VPS37A: variants seen among roughly 807,000 people sequenced by gnomAD.
The protein encoded by VPS37A is vacuolar protein sorting-associated protein 37A.
VPS37A carries 30 observed loss-of-function variants against 49.8 expected under a neutral mutation model. That is an observed-to-expected ratio of 0.60 (90% CI 0.45 to 0.82). The LOEUF (loss-of-function observed/expected upper bound fraction) is 0.82, where lower values mean the gene tolerates loss of function less well. VPS37A is among the 40% of genes least tolerant of loss of function. The pLI is 0.00. For missense variants in VPS37A, 593 were observed against 464.4 expected, an observed-to-expected ratio of 1.28 and a Z score of -2.55; for synonymous variants, 195 against 160.6, an observed-to-expected ratio of 1.21 and a Z score of -1.62.
the VPS37A span, among the ~76,000 whole-genome samples, chr8:17,317,638 G>A: frequency 6.6e-6 from 1 of 152,158 alleles, no homozygotes; most frequent in Non-Finnish European, 1.5e-5. Flanking sequence ...CAGTGCAGGG[G>A]AGGAAGGAGG....
chr8:17,319,821 T>C, the VPS37A span, among the ~76,000 whole-genome samples: 64 of 152,280 alleles, frequency 4.2e-4, no homozygotes, highest in South Asian at 2.1e-3. Context: ...TGGTTTTTTT[T>C]CATAATTCAG....
At chr8:17,299,683 A>T, downstream of VPS37A, 1 of 746,358 alleles carries the variant, frequency 1.3e-6, no homozygotes, top group Non-Finnish European at 2.1e-6. Flanking sequence ...TGAAATGACT[A>T]CGTCCTCTTC....
the VPS37A span, among the ~76,000 whole-genome samples, chr8:17,319,252 TG>T: frequency 6.6e-6 from 1 of 152,158 alleles, no homozygotes; most frequent in South Asian, 2.1e-4. Flanking sequence ...AAATATAAAA[TG>T]GGGATAAAAA....
In VPS37A at chr8:17,284,475, C is replaced by T; in HGVS notation, c.972C>T (p.Ser324=). ...KMQRQHELSE[S]CSASALQARL... ...TAGTGCCTGATTTTCTTTTTCAGAG[C>T]TGTAGTGCAAGTGCCCTTCAGGCAA... Residue 324 remains serine (S), a splice_region_variant and synonymous_variant, in exon 10 of 12, where the codon AGC becomes AGT. Coordinates refer to ENST00000324849, the MANE Select transcript of VPS37A (RefSeq NM_152415.3). The T allele has an allele frequency of 6.4e-7, 1 of 1,569,832 alleles. No homozygotes were observed. The highest frequency in any genetic ancestry group is 8.6e-7 in the Non-Finnish European group (1 of 1,166,516).
Position 17,279,814 on chromosome 8 carries a change from C to T in VPS37A, c.714-214C>T, listed in dbSNP as rs928523964. 4.8e-6 allele frequency: 3 copies of T among 626,334 alleles called. No homozygotes were observed. In the African/African-American group the frequency reaches 5.4e-5, roughly 11 times the overall value. 38.8% of individuals were successfully genotyped at this position (626,334 alleles called of 1,614,324 possible). ...TCCATTGGACCAAAATTTACTTTTA[C>T]AGATTCTGTCAAGAATATATTACAG... is the stretch of plus-strand genomic sequence containing the variant. On this transcript the variant is annotated intron_variant, in intron 6 of 11. Coordinates refer to ENST00000324849, the MANE Select transcript of VPS37A (RefSeq NM_152415.3).
chr8:17,282,002 T>C (rs1815102849), intron 9 of VPS37A, among the ~76,000 whole-genome samples: 2 of 152,048 alleles, frequency 1.3e-5, no homozygotes, highest in Non-Finnish European at 2.9e-5. Flanking sequence ...ACAGTTCTTA[T>C]CAAAATGCCA....
chr8:17,250,167 ACTT>A (rs1027220001), intron 1 of VPS37A, among the ~76,000 whole-genome samples: 2 of 152,106 alleles, frequency 1.3e-5, no homozygotes, highest in Non-Finnish European at 2.9e-5. Flanking sequence ...GGTTTCTATG[ACTT>A]CTTCAATGGA....
At chr8:17,304,715 A>G (rs906742371), downstream of VPS37A, among the ~76,000 whole-genome samples, 5 of 138,938 alleles carry the variant, frequency 3.6e-5, no homozygotes, top group Admixed American at 7.1e-5. Flanking sequence ...CTTCACCACC[A>G]TCTGTACTGG....
At chr8:17,251,756 G>A (rs1003197812) in intron 1 of VPS37A, among the ~76,000 whole-genome samples, 1 of 152,168 alleles carries the variant, frequency 6.6e-6, no homozygotes, top group Admixed American at 6.5e-5. Flanking sequence ...CTTTAAAATA[G>A]TAGTGCCATT....
intron 11 of VPS37A, among the ~76,000 whole-genome samples, chr8:17,289,974 G>A (rs942412471): frequency 1.3e-5 from 2 of 152,128 alleles, no homozygotes; most frequent in Non-Finnish European, 2.9e-5. Flanking sequence ...AATTGTGAAT[G>A]GGAGTTCACT....
the VPS37A span, chr8:17,331,330 CAA>C: frequency 1.3e-6 from 2 of 1,531,156 alleles, no homozygotes; most frequent in Non-Finnish European, 1.7e-6. Context: ...ATTGATGAAA[CAA>C]TGATGAAACA....
At chr8:17,287,895 CTGAGGGAGTGGATTATG>C (rs1272139801) in intron 11 of VPS37A, among the ~76,000 whole-genome samples, 2 of 151,972 alleles carry the variant, frequency 1.3e-5, no homozygotes, top group Non-Finnish European at 2.9e-5. Flanking sequence ...GTCGACTGGG[CTGAGGGAGTGGATTATG>C]AGAAGAGAGC....
In VPS37A at chr8:17,247,116, C is replaced by A; in HGVS notation, c.-129C>A. On this transcript the variant is annotated 5_prime_UTR_variant, in exon 1 of 12. Transcript: ENST00000324849. ...GCAGGCAGGACAGGCTTAGAGAAGA[C>A]GCGGTCCCCAGCGCTTGGGCCACGG... 1 of 1,250,508 alleles carries A rather than the reference C, an allele frequency of 8.0e-7. No individual in the cohort carries two copies. The highest frequency in any genetic ancestry group is 1.1e-6 in the Non-Finnish European group (1 of 899,194). The allele number at this position is 1,250,508 out of a possible 1,614,324, so 77.5% of individuals were successfully genotyped here.
chr8:17,323,160 A>T, the VPS37A span, among the ~76,000 whole-genome samples: 57 of 151,700 alleles, frequency 3.8e-4, no homozygotes, highest in African/African-American at 1.3e-3. Flanking sequence ...GTCGGACAGC[A>T]GGTCTCAAAC....
chr8:17,332,077 C>G, the VPS37A span, among the ~76,000 whole-genome samples: 195 of 152,276 alleles, frequency 1.3e-3, no homozygotes, highest in African/African-American at 4.3e-3. Context: ...GCATCGGTTT[C>G]TAGAATGTGT....
chr8:17,316,372 A>G, the VPS37A span, among the ~76,000 whole-genome samples: 1 of 151,868 alleles, frequency 6.6e-6, no homozygotes, highest in African/African-American at 2.4e-5. Flanking sequence ...TTTAACAGCT[A>G]TATAATATTC....
At chr8:17,304,247 T>G (rs1206383261), downstream of VPS37A, 3 of 939,444 alleles carry the variant, frequency 3.2e-6, no homozygotes, top group Non-Finnish European at 4.5e-6. Flanking sequence ...TATTCAAGCA[T>G]CTCCCTCTGG....
At chr8:17,326,183 G>C in the VPS37A span, 43 of 152,278 alleles carry the variant, frequency 2.8e-4, no homozygotes, top group Admixed American at 2.4e-3. Context: ...TGGTGGTTAA[G>C]AGTGAGGCAT....
Position 17,266,256 on chromosome 8 carries a change from A to T in VPS37A, c.200+275A>T, listed in dbSNP as rs6998299. 0.53 allele frequency among the ~76,000 whole-genome samples: 80,022 copies of T among 151,910 alleles called. 24,242 individuals carry two copies. Among genetic ancestry groups the T allele is most frequent in the African/African-American group, 0.82 (33,905 of 41,460 alleles). ...TATTGATAAGCACTAAAATCTTAGC[A>T]GGAGGTATGCTGAAAAATGATAATA... On this transcript the variant is annotated intron_variant, in intron 2 of 11. Coordinates refer to ENST00000324849, the MANE Select transcript of VPS37A (RefSeq NM_152415.3).
Sources: gnomAD v4.1 joint callset for allele counts (sites outside exome capture counted in the v4.1 genomes callset) on GRCh38, gnomAD v4.1.1 for gene constraint, MANE v1.5 for transcripts, NCBI Gene and HGNC (gene_info 2026-07-23, HGNC 2026-07-21) for gene names.